Variants in ITPR2 observed in about 807,000 individuals in gnomAD.
ITPR2 encodes inositol 1,4,5-trisphosphate receptor type 2, also known as inositol 1,4,5-trisphosphate-gated calcium channel ITPR2.
Under a neutral mutation model 317.1 loss-of-function variants are expected in ITPR2, and 207 were observed. That is an observed-to-expected ratio of 0.65 (90% CI 0.58 to 0.73). ITPR2 has a LOEUF of 0.73. ITPR2 is among the 30% of genes least tolerant of loss of function. The pLI, the probability that ITPR2 is intolerant of heterozygous loss-of-function variation, is 0.00. For synonymous variants in ITPR2, 1,156 were observed against 1,149.1 expected (o/e 1.01, Z -0.12); for missense variants, 2,613 against 3,284.0 (o/e 0.80, Z 4.99).
At position 26,427,900 on chromosome 12, in the gene ITPR2, G is replaced by A. The variant is rs965821605; in HGVS notation, c.6945+13C>T. 2 of 1,519,526 alleles carry A rather than the reference G, an allele frequency of 1.3e-6. No homozygotes were observed. Among genetic ancestry groups the A allele is most frequent in the Admixed American group, 2.1e-5 (1 of 48,168 alleles). 94.1% of individuals were successfully genotyped at this position (1,519,526 alleles called of 1,614,324 possible). On this transcript the variant is annotated intron_variant, in intron 49 of 56. Transcript: ENST00000381340. ...TAATTCTGTAACAGTACAAAGCTAA[G>A]TAAAGTACTTACATTAGCTGCACCA... is the stretch of plus-strand genomic sequence containing the variant.
chr12:26,621,664 T>C (rs1591970969), intron 25 of ITPR2, among the ~76,000 whole-genome samples: 1 of 152,198 alleles, frequency 6.6e-6, no homozygotes, highest in Admixed American at 6.5e-5. Flanking sequence ...ACGTATTTGA[T>C]GTATAACTAC....
intron 45 of ITPR2, among the ~76,000 whole-genome samples, chr12:26,464,130 G>A (rs1942109955): frequency 6.6e-6 from 1 of 152,070 alleles, no homozygotes; most frequent in Non-Finnish European, 1.5e-5. Context: ...TTGGCACCAG[G>A]GATCAGTTTT....
chr12:26,403,619 A>C (rs540842609), intron 52 of ITPR2, among the ~76,000 whole-genome samples: 1 of 152,330 alleles, frequency 6.6e-6, no homozygotes, highest in East Asian at 1.9e-4. Flanking sequence ...CTGTCTCTAA[A>C]AAAAACAAGC....
chr12:26,719,185 C>T (rs1948792205), intron 5 of ITPR2, among the ~76,000 whole-genome samples: 1 of 151,978 alleles, frequency 6.6e-6, no homozygotes, highest in Non-Finnish European at 1.5e-5. Flanking sequence ...AGAAATAGTC[C>T]CTATTCTCAC....
At chr12:26,747,209 T>TTTCC (rs1267090917) in intron 2 of ITPR2, among the ~76,000 whole-genome samples, 1 of 152,142 alleles carries the variant, frequency 6.6e-6, no homozygotes, top group Non-Finnish European at 1.5e-5. Context: ...TTTCTCCTTC[T>TTTCC]TTCCTTCCTT....
chr12:26,379,397 G>A (rs1208796357), intron 55 of ITPR2, among the ~76,000 whole-genome samples: 1 of 152,172 alleles, frequency 6.6e-6, no homozygotes, highest in Non-Finnish European at 1.5e-5. Flanking sequence ...ATTATCCACA[G>A]TCAATACTTA....
intron 21 of ITPR2, among the ~76,000 whole-genome samples, chr12:26,647,315 C>T (rs555920023): frequency 6.6e-6 from 1 of 152,344 alleles, no homozygotes; most frequent in East Asian, 1.9e-4. Context: ...CAGAGTTATA[C>T]ACATATCATG....
chr12:26,497,793 C>T (rs1256510036), intron 37 of ITPR2, among the ~76,000 whole-genome samples: 1 of 151,752 alleles, frequency 6.6e-6, no homozygotes, highest in Middle Eastern at 3.4e-3. Flanking sequence ...TCACTGCAAC[C>T]TCCACCTCCC....
Position 26,659,317 on chromosome 12 carries a change from G to GC in ITPR2, c.1714-33dup, listed in dbSNP as rs757505527. 3.4e-5 allele frequency: 54 copies of GC among 1,577,470 alleles called. 1 individual carries two copies. The South Asian group carries it at 4.1e-4, about 12-fold the overall frequency. ...AGAAGAAAGGCTGTCAGAATGCACT[G>GC]CCAAACAGCTTACAAATAACAGGTT... On this transcript the variant is annotated intron_variant, in intron 15 of 56. Transcript: ENST00000381340.
chr12:26,702,625 GA>G (rs1246018726), intron 9 of ITPR2, among the ~76,000 whole-genome samples: 2 of 151,936 alleles, frequency 1.3e-5, no homozygotes, highest in Non-Finnish European at 2.9e-5. Flanking sequence ...TTTTAGTAGA[GA>G]GGGGGGTTTC....
At chr12:26,659,058 A>C in intron 16 of ITPR2, 55 bp downstream of exon 16, 1 of 1,427,090 alleles carries the variant, frequency 7.0e-7, no homozygotes, top group Non-Finnish European at 9.6e-7. Context: ...TCTAAAAATA[A>C]AACATAAAGC....
intron 2 of ITPR2, among the ~76,000 whole-genome samples, chr12:26,745,263 A>G (rs562076417): frequency 6.6e-6 from 1 of 152,350 alleles, no homozygotes; most frequent in Non-Finnish European, 1.5e-5. Flanking sequence ...TGACCTCACT[A>G]AATATGAGCT....
At chr12:26,712,634 T>TACACACACACACACACAC (rs67872654) in intron 8 of ITPR2, among the ~76,000 whole-genome samples, 2 of 148,926 alleles carry the variant, frequency 1.3e-5, no homozygotes, top group Non-Finnish European at 3.0e-5. Flanking sequence ...TTGTCTCAAA[T>TACACACACACACACACAC]ACACACACAC....
chr12:26,340,598 T>G (rs1280021942), intron 55 of ITPR2, among the ~76,000 whole-genome samples: 1 of 152,096 alleles, frequency 6.6e-6, no homozygotes, highest in African/African-American at 2.4e-5. Context: ...CTGCAGGCAT[T>G]CAGTGAATGA....
intron 11 of ITPR2, among the ~76,000 whole-genome samples, chr12:26,686,048 TC>T (rs987541820): frequency 1.3e-5 from 2 of 152,210 alleles, no homozygotes; most frequent in Non-Finnish European, 2.9e-5. Flanking sequence ...ACTGTTGTCT[TC>T]CCAATGCCAA....
At chr12:26,811,517 G>C (rs1022466444) in intron 1 of ITPR2, among the ~76,000 whole-genome samples, 1 of 149,032 alleles carries the variant, frequency 6.7e-6, no homozygotes, top group African/African-American at 2.5e-5. Context: ...AGGCCGAGGC[G>C]GGCGGATCAC....
chr12:26,766,297 G>GT (rs376672186), intron 2 of ITPR2, among the ~76,000 whole-genome samples: 1,739 of 146,744 alleles, frequency 0.012, 10 homozygotes, highest in Middle Eastern at 0.028. Context: ...TTTATTATCT[G>GT]TTTTTTTTTT....
chr12:26,630,280 T>C (rs567257753), intron 22 of ITPR2, among the ~76,000 whole-genome samples: 16 of 151,426 alleles, frequency 1.1e-4, no homozygotes, highest in African/African-American at 3.6e-4. Flanking sequence ...ATTTCTCTAA[T>C]ACGCCTAATC....
At chr12:26,663,963 T>C in intron 14 of ITPR2, 117 bp from the exon 15 acceptor site, 1 of 964,438 alleles carries the variant, frequency 1.0e-6, no homozygotes, top group Non-Finnish European at 1.5e-6. Flanking sequence ...AGTATTAGAG[T>C]AAACGGGAAA....
Sources: gnomAD v4.1 joint callset for allele counts (sites outside exome capture counted in the v4.1 genomes callset) on GRCh38, gnomAD v4.1.1 for gene constraint, MANE v1.5 for transcripts, NCBI Gene and HGNC (gene_info 2026-07-23, HGNC 2026-07-21) for gene names.